Variants in MYO7A observed in about 807,000 individuals in gnomAD.
MYO7A encodes the protein myosin VIIA, also known as unconventional myosin-VIIa.
In MYO7A, 210 loss-of-function variants were observed where a neutral mutation model predicts 263.8. That is an observed-to-expected ratio of 0.80 (90% CI 0.71 to 0.89). MYO7A has a LOEUF of 0.89. Among genes scored for constraint, MYO7A ranks in the 40% least tolerant of loss-of-function variants. The pLI, the probability that MYO7A is intolerant of heterozygous loss-of-function variation, is 0.00. For synonymous variants in MYO7A, 1,239 were observed against 1,197.3 expected (o/e 1.03, Z -0.72); for missense variants, 2,820 against 2,968.3 (o/e 0.95, Z 1.16).
At chr11:77,196,294 A>C (rs989477266) in intron 32 of MYO7A, among the ~76,000 whole-genome samples, 2 of 151,090 alleles carry the variant, frequency 1.3e-5, no homozygotes, top group Non-Finnish European at 2.9e-5. Flanking sequence ...TGAACTCGGG[A>C]GGCGGAGGTT....
intron 21 of MYO7A, 93 bp from the exon 22 acceptor site, chr11:77,180,281 C>G: frequency 5.7e-6 from 4 of 699,488 alleles, no homozygotes; most frequent in Non-Finnish European, 8.8e-6. Flanking sequence ...TGCCCAGTTC[C>G]AGAACTCAGA....
rs149090775 is a variant in MYO7A at position 77,195,511 on chromosome 11, C to A, written c.4323+987C>A. 4.2e-3 allele frequency among the ~76,000 whole-genome samples: 636 copies of A among 152,364 alleles called. 16 individuals carry two copies. The highest frequency in any genetic ancestry group is 0.036 in the Admixed American group (556 of 15,306). On this transcript the variant is annotated intron_variant, in intron 32 of 48. Transcript: ENST00000409709. ...CTGAGGGCCTCCTCGGGGCTCACTG[C>A]CATTGTGGCATATGGTACGTCCTGG... is the stretch of plus-strand genomic sequence containing the variant.
At chr11:77,181,289 T>G in intron 22 of MYO7A, 91 bp from the exon 23 acceptor site, 5 of 1,214,238 alleles carry the variant, frequency 4.1e-6, no homozygotes, top group Non-Finnish European at 5.6e-6. Context: ...AGGCCCTGGC[T>G]GCTGCAGGGG....
rs781289614 is a variant in MYO7A at position 77,205,442 on chromosome 11, G to T, written c.5481-20G>T. Reference sequence around the variant, plus strand: ...CCCGATGGCAGCTGCCCCTGCTGGAGCCCACGCCTCCTCCTGCAGGTACAG... The same window carrying T: ...CCCGATGGCAGCTGCCCCTGCTGGATCCCACGCCTCCTCCTGCAGGTACAG... On this transcript the variant is annotated intron_variant, in intron 39 of 48. Transcript: ENST00000409709. The T allele has an allele frequency of 5.8e-6, 9 of 1,551,850 alleles. No homozygotes were observed. The highest frequency in any genetic ancestry group is 7.8e-6 in the Non-Finnish European group (9 of 1,147,580).
At chr11:77,193,651 TA>T in intron 31 of MYO7A, among the ~76,000 whole-genome samples, 1 of 152,100 alleles carries the variant, frequency 6.6e-6, no homozygotes. Context: ...CATCAGTTGC[TA>T]AAATTCTGAA....
chr11:77,163,180 G>C (rs753614638), intron 14 of MYO7A, among the ~76,000 whole-genome samples, 192 bp downstream of exon 14: 18 of 152,100 alleles, frequency 1.2e-4, no homozygotes, highest in Non-Finnish European at 2.2e-4. Flanking sequence ...ACAGTGCTGT[G>C]CATCCAGTAC....
intron 24 of MYO7A, 25 bp from the exon 25 acceptor site, chr11:77,182,399 C>T (rs782403523): frequency 4.4e-6 from 7 of 1,600,142 alleles, no homozygotes; most frequent in African/African-American, 1.3e-5. Flanking sequence ...CCGCTCTGGC[C>T]TCTGACATGC....
In MYO7A at chr11:77,197,478, C is replaced by T. The variant is rs764822561; in HGVS notation, c.4324-3C>T. ...CTGTCCCTCTGTCCCTCTCTCCTTC[C>T]AGGGGATTTATGCCCAGAGGAGAAC... On this transcript the variant is annotated splice_polypyrimidine_tract_variant and splice_region_variant and intron_variant, in intron 32 of 48. Transcript: ENST00000409709. 1.3e-6 allele frequency: 2 copies of T among 1,583,304 alleles called. No homozygotes were observed. The highest frequency in any genetic ancestry group is 4.6e-5 in the East Asian group (2 of 43,802).
In MYO7A at chr11:77,158,335, C is replaced by A; in HGVS notation, c.908C>A (p.Ser303Tyr). 6.2e-7 allele frequency: 1 copy of A among 1,613,384 alleles called. No homozygotes were observed. Among genetic ancestry groups the A allele is most frequent in the African/African-American group, 1.3e-5 (1 of 75,054 alleles). ...AGCCAGGAGTACGCCAACATCCGCT[C>A]CGCCATGAAGGTGCTCATGTTCACT... ...VDSQEYANIR[S>Y]AMKVLMFTDT... Residue 303 changes from serine (S) to tyrosine (Y), a missense_variant, in exon 9 of 49, where the codon TCC (serine) becomes TAC (tyrosine). By Grantham distance (144) the Ser-to-Tyr change is moderately radical. Transcript: ENST00000409709.
chr11:77,179,730 T>G lies in MYO7A; in HGVS notation c.2368-5T>G. The stretch of plus-strand genomic sequence containing the variant: ...GCTCTGAGCATGGGGTGGCTGTCCT[T>G]GCAGATGCGTCTGGGCTTCCTGCGG... On this transcript the variant is annotated splice_polypyrimidine_tract_variant and splice_region_variant and intron_variant, in intron 20 of 48. Coordinates refer to ENST00000409709, the MANE Select transcript of MYO7A (RefSeq NM_000260.4). The G allele has an allele frequency of 6.5e-7, 1 of 1,530,940 alleles. No homozygotes were observed. The allele number at this position is 1,530,940 out of a possible 1,614,324, so 94.8% of individuals were successfully genotyped here. A position where few individuals can be genotyped will look rare whatever the true frequency, so the allele number is the denominator to read the frequency against.
At chr11:77,204,025 C>T (rs977581549) in intron 38 of MYO7A, 51 bp from the exon 39 acceptor site, 1 of 1,535,696 alleles carries the variant, frequency 6.5e-7, no homozygotes, top group Admixed American at 1.9e-5. Flanking sequence ...CTCCGGACCC[C>T]AGGCCAGTGC....
chr11:77,164,414 AT>A (rs1221048564), intron 14 of MYO7A, among the ~76,000 whole-genome samples: 8 of 151,882 alleles, frequency 5.3e-5, no homozygotes, highest in Non-Finnish European at 7.4e-5. Flanking sequence ...TTAAAAATTA[AT>A]TTTTTTTTAA....
At chr11:77,195,937 T>C (rs1956626379) in intron 32 of MYO7A, among the ~76,000 whole-genome samples, 1 of 152,274 alleles carries the variant, frequency 6.6e-6, no homozygotes, top group Admixed American at 6.5e-5. Flanking sequence ...GGCCTGCAGA[T>C]GGCTGTCTTC....
At chr11:77,128,985 A>T (rs1950687236) in intron 1 of MYO7A, among the ~76,000 whole-genome samples, 1 of 152,258 alleles carries the variant, frequency 6.6e-6, no homozygotes, top group Admixed American at 6.5e-5. Context: ...ATACAAATAC[A>T]GTCTATGCCC....
At chr11:77,178,236 T>C (rs2135455279) in intron 19 of MYO7A, among the ~76,000 whole-genome samples, 1 of 151,852 alleles carries the variant, frequency 6.6e-6, no homozygotes, top group African/African-American at 2.4e-5. Context: ...CACCCATCCA[T>C]CCATCCATCC....
At position 77,174,877 on chromosome 11, in the gene MYO7A, G is replaced by C. The variant is rs781991817; in HGVS notation, c.2057G>C (p.Arg686Pro). Residue 686 changes from arginine (R) to proline (P), a missense_variant, in exon 17 of 49, where the codon CGT becomes CCT. By Grantham distance (103) the Arg-to-Pro change is moderately radical. Coordinates refer to ENST00000409709, the MANE Select transcript of MYO7A (RefSeq NM_000260.4). ...TTCGTAGAGTTTGTGGAGCGGTACC[G>C]TGTGCTGCTGCCAGGTGTGAAGCCG... ...YSFVEFVERY[R>P]VLLPGVKPAY... 2.5e-6 allele frequency: 4 copies of C among 1,613,568 alleles called. No individual in the cohort carries two copies. The East Asian group carries it at 8.9e-5, about 36-fold the overall frequency.
intron 4 of MYO7A, among the ~76,000 whole-genome samples, chr11:77,151,347 G>A (rs969666636): frequency 7.2e-5 from 11 of 152,244 alleles, no homozygotes; most frequent in African/African-American, 2.4e-4. Flanking sequence ...TCTGGTCTCA[G>A]CCTTTCCTAG....
chr11:77,205,973 C>A (rs1040297453), intron 40 of MYO7A, 124 bp from the exon 41 acceptor site: 2 of 777,162 alleles, frequency 2.6e-6, no homozygotes, highest in Non-Finnish European at 4.3e-6. Context: ...ACTCAGTGGC[C>A]GGTCACATCA....
chr11:77,162,681 A>G (rs1322706627), intron 13 of MYO7A, among the ~76,000 whole-genome samples, 172 bp from the exon 14 acceptor site: 1 of 152,156 alleles, frequency 6.6e-6, no homozygotes, highest in Non-Finnish European at 1.5e-5. Flanking sequence ...TGTAGTTCCA[A>G]TTCATCCACT....
Sources: gnomAD v4.1 joint callset for allele counts (sites outside exome capture counted in the v4.1 genomes callset) on GRCh38, gnomAD v4.1.1 for gene constraint, MANE v1.5 for transcripts, NCBI Gene and HGNC (gene_info 2026-07-23, HGNC 2026-07-21) for gene names.